MED12: variants seen among roughly 807,000 people sequenced by gnomAD.
The protein encoded by MED12 is mediator of RNA polymerase II transcription subunit 12.
Under a neutral mutation model 177.7 loss-of-function variants are expected in MED12, and 10 were observed. The ratio of observed to expected loss-of-function variants is 0.06; its 90% CI spans 0.03 to 0.10. MED12 has a LOEUF of 0.10. Among genes scored for constraint, MED12 ranks in the 10% least tolerant of loss-of-function variants. MED12 has a pLI of 1.00. For synonymous variants in MED12, 641 were observed against 678.4 expected (o/e 0.94, Z 0.86); for missense variants, 867 against 1,780.8 (o/e 0.49, Z 9.23).
chrX:71,141,140 T>C lies in MED12; in HGVS notation c.6268-90T>C. The C allele has an allele frequency of 3.4e-6, 4 of 1,162,267 alleles. No homozygotes were observed. In the South Asian group the frequency reaches 7.6e-5, roughly 22 times the overall value. On this transcript the variant is annotated intron_variant, in intron 42 of 44. Coordinates refer to ENST00000374080, the MANE Select transcript of MED12 (RefSeq NM_005120.3). ...GGCAGTAGACCCCGAGCTCCCACCC[T>C]GCTTCCTCATCCCCTGCCCTCAGCC...
chrX:71,125,980 C>A, intron 17 of MED12, 56 bp from the exon 18 acceptor site: 1 of 862,499 alleles, frequency 1.2e-6, no homozygotes, highest in Non-Finnish European at 1.7e-6. Flanking sequence ...CTCCCCACCC[C>A]TAGTCAACTA....
intron 37 of MED12, 101 bp downstream of exon 37, chrX:71,136,756 C>A: frequency 8.5e-7 from 1 of 1,177,563 alleles, no homozygotes. Context: ...GAAGGGGTGC[C>A]ATTAGAATCA....
Position 71,124,287 on chromosome X carries a change from G to A in MED12, c.1873G>A (p.Ala625Thr), listed in dbSNP as rs1318670088. The A allele has an allele frequency of 8.3e-7, 1 of 1,208,122 alleles. No homozygotes were observed. The highest frequency in any genetic ancestry group is 3.0e-5 in the East Asian group (1 of 33,740). Residue 625 changes from alanine to threonine, a missense_variant, in exon 13 of 45, where the codon GCC becomes ACC. By Grantham distance (58) the Ala-to-Thr change is moderately conservative. Transcript: ENST00000374080. ...CACTCTCATCTCCCGAGGGGACCTTGCCTTTGGAGCCCCTGGTCCCCGGCC... is the reference window on the plus strand; with the variant it reads ...CACTCTCATCTCCCGAGGGGACCTTACCTTTGGAGCCCCTGGTCCCCGGCC... ...TCTLISRGDL[A>T]FGAPGPRPPS...
At position 71,124,775 on chromosome X, in the gene MED12, C is replaced by T. The variant is rs777329342; in HGVS notation, c.1986C>T (p.Leu662=). The T allele has an allele frequency of 1.8e-5, 22 of 1,209,761 alleles. No individual in the cohort carries two copies. The highest frequency in any genetic ancestry group is 2.1e-5 in the Non-Finnish European group (19 of 893,931). Reference sequence around the variant, plus strand: ...TTCTATGCCCTCAGGATCCAGGGCTCTCAGAATCTATGGACATTGACCCTA... The same window carrying T: ...TTCTATGCCCTCAGGATCCAGGGCTTTCAGAATCTATGGACATTGACCCTA... ...SSSSKLEDPG[L]SESMDIDPSS... The change falls in exon 14 of 45, where the codon CTC becomes CTT. Residue 662 remains leucine (L), a synonymous_variant. Transcript: ENST00000374080.
At chrX:71,140,080 CTT>C (rs746271800) in intron 41 of MED12, among the ~76,000 whole-genome samples, 5 of 88,621 alleles carry the variant, frequency 5.6e-5, no homozygotes, top group Admixed American at 2.6e-4. Flanking sequence ...TCTTTTCTTT[CTT>C]TTTTTTTTTT....
At chrX:71,129,271 C>A (rs369092804) in intron 25 of MED12, 45 bp from the exon 26 acceptor site, 1 of 1,166,563 alleles carries the variant, frequency 8.6e-7, no homozygotes, top group African/African-American at 1.8e-5. Flanking sequence ...CCCCTGCCTC[C>A]GTGGATTCTA....
intron 22 of MED12, 21 bp downstream of exon 22, chrX:71,128,141 G>T: frequency 8.4e-7 from 1 of 1,194,965 alleles, no homozygotes; most frequent in Non-Finnish European, 1.1e-6. Flanking sequence ...TACTGAGTGA[G>T]GAAGGGCACC....
At chrX:71,119,219 G>C (rs1280903105) in intron 1 of MED12, 154 bp from the exon 2 acceptor site, 1 of 495,705 alleles carries the variant, frequency 2.0e-6, no homozygotes, top group Non-Finnish European at 3.6e-6. Context: ...GGGTCCAAGT[G>C]AACGTAAGGG....
Position 71,123,154 on chromosome X carries a change from G to A in MED12, c.1545G>A (p.Lys515=), listed in dbSNP as rs1602295964. ...TATGTGAATGGGCTGTCAGCTGCAA[G>A]CGTTCTGGTCGGCATCGTGCTATGG... The part of the protein sequence containing the change: ...SLLCEWAVSC[K]RSGRHRAMVV... Residue 515 remains lysine (K), a synonymous_variant, in exon 11 of 45, where the codon AAG becomes AAA. Transcript: ENST00000374080. 3 of 1,209,641 alleles carry A rather than the reference G, an allele frequency of 2.5e-6. No individual in the cohort carries two copies. The highest frequency in any genetic ancestry group is 3.4e-6 in the Non-Finnish European group (3 of 895,096).
intron 19 of MED12, among the ~76,000 whole-genome samples, 185 bp from the exon 20 acceptor site, chrX:71,126,784 A>G (rs1300649954): frequency 8.9e-6 from 1 of 112,330 alleles, no homozygotes; most frequent in Admixed American, 9.4e-5. Context: ...ATAAACTATC[A>G]ACAATAAACT....
chrX:71,118,956 CA>C (rs1602293149), intron 1 of MED12, 103 bp downstream of exon 1: 1 of 581,433 alleles, frequency 1.7e-6, no homozygotes, highest in Non-Finnish European at 2.5e-6. Context: ...TCGGTGAGAG[CA>C]AAAGTCCCGA....
chrX:71,121,924 T>G, intron 7 of MED12, 108 bp downstream of exon 7: 2 of 1,102,226 alleles, frequency 1.8e-6, no homozygotes, highest in Non-Finnish European at 2.5e-6. Context: ...GAGTAGGTGC[T>G]GAGTACTTGC....
Position 71,132,120 on chromosome X carries a change from T to C in MED12, c.4167T>C (p.Val1389=). 1 of 1,210,562 alleles carries C rather than the reference T, an allele frequency of 8.3e-7. No homozygotes were observed. The highest frequency in any genetic ancestry group is 3.0e-5 in the East Asian group (1 of 33,841). The part of the protein sequence containing the change: ...LENIAKATIE[V]FQQSAETGSS... ...ACATCGCCAAGGCCACAATCGAGGT[T>C]TTCCAACAGTCAGCAGAGACAGGGT... Residue 1389 remains valine (V), a synonymous_variant, in exon 30 of 45, where the codon GTT becomes GTC. Coordinates refer to ENST00000374080, the MANE Select transcript of MED12 (RefSeq NM_005120.3).
intron 28 of MED12, 62 bp downstream of exon 28, chrX:71,130,276 G>A (rs2092313636): frequency 9.3e-7 from 1 of 1,080,355 alleles, no homozygotes; most frequent in Non-Finnish European, 1.3e-6. Context: ...AGAAACAATA[G>A]GAACCTTGAG....
At chrX:71,129,973 A>G (rs2092312825) in intron 27 of MED12, 62 bp from the exon 28 acceptor site, 1 of 1,169,830 alleles carries the variant, frequency 8.5e-7, no homozygotes, top group Non-Finnish European at 1.2e-6. Flanking sequence ...ACTCCAGCCC[A>G]TCCCCCATAT....
At chrX:71,134,092 G>T (rs780103566) in intron 33 of MED12, among the ~76,000 whole-genome samples, 2 of 109,747 alleles carry the variant, frequency 1.8e-5, no homozygotes, top group African/African-American at 3.3e-5. Context: ...TTAGCTGGGC[G>T]TGGTGGCAGG....
intron 32 of MED12, 23 bp downstream of exon 32, chrX:71,132,979 G>T: frequency 1.8e-6 from 2 of 1,136,882 alleles, no homozygotes; most frequent in Non-Finnish European, 2.4e-6. Context: ...GGGCCATGGA[G>T]GTGGGCAGGA....
In MED12 at chrX:71,129,170, C is replaced by T; in HGVS notation, c.3532C>T (p.His1178Tyr). ...GARLTCRILLHLFKTPQLNPC... is the reference protein window; with the variant it reads ...GARLTCRILLYLFKTPQLNPC... ...CCGGCTTACCTGCCGCATCCTCCTTCACCTTTTCAAGACACCGCAGCTCAA... is the reference window on the plus strand; with the variant it reads ...CCGGCTTACCTGCCGCATCCTCCTTTACCTTTTCAAGACACCGCAGCTCAA... Residue 1178 changes from histidine to tyrosine, a missense_variant, in exon 25 of 45, where the codon CAC (histidine) becomes TAC (tyrosine). Transcript: ENST00000374080. The T allele has an allele frequency of 8.3e-7, 1 of 1,211,562 alleles. No individual in the cohort carries two copies. Among genetic ancestry groups the T allele is most frequent in the Non-Finnish European group, 1.1e-6 (1 of 895,287 alleles).
At chrX:71,135,549 C>T (rs774481692) in intron 36 of MED12, among the ~76,000 whole-genome samples, 78 of 111,365 alleles carry the variant, frequency 7.0e-4, no homozygotes, top group Non-Finnish European at 1.4e-3. Flanking sequence ...TGTCCTACCC[C>T]ACCCATCTAT....
Sources: allele counts gnomAD v4.1 joint callset (sites outside exome capture counted in the v4.1 genomes callset), GRCh38; gene constraint gnomAD v4.1.1; transcripts MANE v1.5; gene names NCBI Gene and HGNC (gene_info 2026-07-23, HGNC 2026-07-21).